NTN1: variants seen among roughly 807,000 people sequenced by gnomAD.
NTN1 encodes the protein netrin 1, also known as netrin-1.
NTN1 carries 11 observed loss-of-function variants against 54.2 expected under a neutral mutation model. That is an observed-to-expected ratio of 0.20 (90% CI 0.13 to 0.34). NTN1 has a LOEUF of 0.34. Among genes scored for constraint, NTN1 ranks in the 10% least tolerant of loss-of-function variants. NTN1 has a pLI of 1.00. For synonymous variants in NTN1, 371 were observed against 382.0 expected (o/e 0.97, Z 0.33); for missense variants, 740 against 893.1 (o/e 0.83, Z 2.18).
At chr17:9,142,294 G>GA (rs76675961) in intron 2 of NTN1, among the ~76,000 whole-genome samples, 7,137 of 123,002 alleles carry the variant, frequency 0.058, 554 homozygotes, top group African/African-American at 0.19. Flanking sequence ...ATCTCAAAAA[G>GA]AAAAAAAAAA....
chr17:9,098,398 C>T (rs1015994685), intron 2 of NTN1, among the ~76,000 whole-genome samples: 1 of 152,208 alleles, frequency 6.6e-6, no homozygotes, highest in Non-Finnish European at 1.5e-5. Context: ...GGACTGCAGA[C>T]CCTGGGAGCT....
chr17:9,067,500 A>G (rs981658628), intron 2 of NTN1, among the ~76,000 whole-genome samples: 5 of 152,168 alleles, frequency 3.3e-5, no homozygotes, highest in Admixed American at 6.5e-5. Context: ...GGTCCATTTG[A>G]CTTAAATGCA....
intron 5 of NTN1, among the ~76,000 whole-genome samples, chr17:9,210,450 A>C (rs113593156): frequency 0.012 from 299 of 24,264 alleles, 1 homozygote; most frequent in Middle Eastern, 0.074. Context: ...ACACCCACAC[A>C]CACACACACA....
intron 2 of NTN1, among the ~76,000 whole-genome samples, chr17:9,083,067 C>T (rs2092077140): frequency 6.6e-6 from 1 of 151,898 alleles, no homozygotes; most frequent in African/African-American, 2.4e-5. Flanking sequence ...CCGTGTTCTG[C>T]CATTGGCCTT....
intron 2 of NTN1, among the ~76,000 whole-genome samples, chr17:9,055,865 G>A (rs569653949): frequency 3.9e-5 from 6 of 152,084 alleles, no homozygotes; most frequent in Non-Finnish European, 7.4e-5. Flanking sequence ...GGGACTACAG[G>A]TGCATGCCAT....
At position 9,221,147 on chromosome 17, in the gene NTN1, T is replaced by TGGC; in HGVS notation, c.1412-21_1412-20insGGC. The stretch of plus-strand genomic sequence containing the variant: ...CAGCCTAATTAGTTTTTGTCTGTGC[T>TGGC]CCCCCCCCACCCCCCTGCAGACTGC... On this transcript the variant is annotated intron_variant, in intron 5 of 6. Coordinates refer to ENST00000173229, the MANE Select transcript of NTN1 (RefSeq NM_004822.3). The surrounding 1 kb of genome is among the most constrained non-coding windows in gnomAD (Gnocchi z 4.5). The TGGC allele has an allele frequency of 4.3e-5, 56 of 1,303,642 alleles. No homozygotes were observed. The highest frequency in any genetic ancestry group is 5.6e-5 in the Non-Finnish European group (53 of 952,720). 80.8% of individuals were successfully genotyped at this position (1,303,642 alleles called of 1,614,324 possible).
rs112206057 is a variant in NTN1, at chr17:9,222,064, T to C, written c.1486+822T>C. Among the ~76,000 whole-genome samples the C allele has an allele frequency of 8.2e-3, 1,253 of 152,314 alleles. 17 individuals are homozygous for C. Among genetic ancestry groups the C allele is most frequent in the African/African-American group, 0.029 (1,201 of 41,554 alleles). ...CAGCCAGGGCATCCATGTGGGTGGC[T>C]GAGGCCCCCACCATAGGCCGGGAAG... On this transcript the variant is annotated intron_variant, in intron 6 of 6. Transcript: ENST00000173229.
chr17:9,052,279 A>G (rs981650611), intron 2 of NTN1, among the ~76,000 whole-genome samples: 1 of 152,170 alleles, frequency 6.6e-6, no homozygotes, highest in Non-Finnish European at 1.5e-5. Flanking sequence ...CCCCAAAGGC[A>G]CATTTGTAAG....
chr17:9,209,843 G>A (rs1281441416), intron 5 of NTN1, among the ~76,000 whole-genome samples: 1 of 152,152 alleles, frequency 6.6e-6, no homozygotes, highest in Non-Finnish European at 1.5e-5. Flanking sequence ...CTAGGCTCCT[G>A]AGAGCCAGAC....
chr17:9,011,235 G>A, the NTN1 span, among the ~76,000 whole-genome samples: 1 of 152,126 alleles, frequency 6.6e-6, no homozygotes. Flanking sequence ...GTGTGGCCTC[G>A]TTCCTAACAG....
chr17:9,142,493 C>T (rs1007336917), intron 2 of NTN1, among the ~76,000 whole-genome samples: 1 of 151,774 alleles, frequency 6.6e-6, no homozygotes, highest in Admixed American at 6.6e-5. Flanking sequence ...CTGTCAGCTT[C>T]CTTTTCTTTT....
chr17:9,215,456 C>T (rs1381436282), intron 5 of NTN1, among the ~76,000 whole-genome samples: 1 of 152,172 alleles, frequency 6.6e-6, no homozygotes, highest in African/African-American at 2.4e-5. Context: ...ATCACATCAC[C>T]TTGTGTTTAT....
At chr17:9,069,315 G>A (rs930546439) in intron 2 of NTN1, among the ~76,000 whole-genome samples, 1 of 151,316 alleles carries the variant, frequency 6.6e-6, no homozygotes, top group East Asian at 1.9e-4. Flanking sequence ...AAAAAAAAAA[G>A]AATGGAAATT....
chr17:9,175,168 AG>A, intron 3 of NTN1: 1 of 152,330 alleles, frequency 6.6e-6, no homozygotes, highest in South Asian at 2.1e-4. Context: ...AGAGCCCAGG[AG>A]CCTTCAGGGA....
chr17:9,154,136 C>T (rs148970120), intron 2 of NTN1, among the ~76,000 whole-genome samples: 34 of 152,296 alleles, frequency 2.2e-4, no homozygotes, highest in African/African-American at 4.8e-4. Context: ...TCTCCAGTGA[C>T]GAGCCTTAAG....
chr17:9,165,447 T>C lies in NTN1; in HGVS notation c.1207+2446T>C, dbSNP rs1169645813. On this transcript the variant is annotated intron_variant, in intron 3 of 6. Coordinates refer to ENST00000173229, the MANE Select transcript of NTN1 (RefSeq NM_004822.3). This position sits in a 1 kb window ranked among gnomAD's most constrained non-coding sequence, Gnocchi z 4.5. Reference sequence around the variant, plus strand: ...TGTAGGAGGGCCAGATGCAAATAAATGAGGATGTGTTCTTGTTTTACGAGT... The same window carrying C: ...TGTAGGAGGGCCAGATGCAAATAAACGAGGATGTGTTCTTGTTTTACGAGT... 6.6e-6 allele frequency among the ~76,000 whole-genome samples: 1 copy of C among 152,098 alleles called. No individual in the cohort carries two copies. The highest frequency in any genetic ancestry group is 2.4e-5 in the African/African-American group (1 of 41,424).
intron 6 of NTN1, among the ~76,000 whole-genome samples, chr17:9,232,155 G>T (rs918821032): frequency 6.6e-6 from 1 of 152,200 alleles, no homozygotes; most frequent in Admixed American, 6.5e-5. Context: ...GGGTCGGGGG[G>T]ACAAGTGTGG....
chr17:9,072,190 G>C (rs1003800701), intron 2 of NTN1, among the ~76,000 whole-genome samples: 6 of 151,712 alleles, frequency 4.0e-5, no homozygotes, highest in Non-Finnish European at 5.9e-5. Context: ...CTTAGCCCCA[G>C]CTTTCCAGCT....
At chr17:9,183,459 G>T in intron 5 of NTN1, 1 of 388,276 alleles carries the variant, frequency 2.6e-6, no homozygotes, top group Non-Finnish European at 5.3e-6. Flanking sequence ...TTTCCTCCAT[G>T]GCAAAGAGAG....
Sources: gnomAD v4.1 joint callset for allele counts (sites outside exome capture counted in the v4.1 genomes callset) on GRCh38, gnomAD v4.1.1 for gene constraint, Gnocchi (gnomAD v3.1) non-coding constraint, MANE v1.5 for transcripts, NCBI Gene and HGNC (gene_info 2026-07-23, HGNC 2026-07-21) for gene names.